Variants in TMEM266 observed in about 807,000 individuals in gnomAD.
TMEM266 encodes the protein Hv1 related protein 1.
In TMEM266, 33 loss-of-function variants were observed where a neutral mutation model predicts 50.5. That is an observed-to-expected ratio of 0.65 (90% CI 0.50 to 0.87). The LOEUF is 0.87. Ranked by LOEUF, TMEM266 falls within the 40% of genes least tolerant of loss-of-function variation. The probability of loss-of-function intolerance (pLI) is 0.00; values close to 1 mark genes in which losing one functional copy is unlikely to be tolerated. For synonymous variants in TMEM266, 310 were observed against 292.3 expected, an observed-to-expected ratio of 1.06 and a Z score of -0.62; for missense variants, 655 against 695.1, an observed-to-expected ratio of 0.94 and a Z score of 0.65.
intron 1 of TMEM266, among the ~76,000 whole-genome samples, chr15:76,062,335 A>G (rs1202887441): frequency 6.6e-6 from 1 of 152,214 alleles, no homozygotes; most frequent in Non-Finnish European, 1.5e-5. Flanking sequence ...GCCTTGGTCA[A>G]TGTGATTGGT....
At chr15:76,156,150 C>G (rs572124163) in intron 3 of TMEM266, among the ~76,000 whole-genome samples, 7 of 152,160 alleles carry the variant, frequency 4.6e-5, no homozygotes, top group Non-Finnish European at 8.8e-5. Flanking sequence ...CACCTGAGGT[C>G]AGGAGTTCGA....
At chr15:76,133,013 G>C (rs1596125254) in intron 1 of TMEM266, among the ~76,000 whole-genome samples, 1 of 151,658 alleles carries the variant, frequency 6.6e-6, no homozygotes, top group South Asian at 2.1e-4. Flanking sequence ...GTACGTGCCT[G>C]TAATCCCAGC....
intron 1 of TMEM266, among the ~76,000 whole-genome samples, chr15:76,079,886 T>C (rs538415119): frequency 6.6e-6 from 1 of 151,722 alleles, no homozygotes; most frequent in Admixed American, 6.6e-5. Context: ...AGGTCGTAAG[T>C]TTGGAAAAGA....
At position 76,204,423 on chromosome 15, in the gene TMEM266, C is replaced by T; in HGVS notation, c.*108C>T. On this transcript the variant is annotated 3_prime_UTR_variant, in exon 11 of 11. Transcript: ENST00000388942. The stretch of plus-strand genomic sequence containing the variant: ...CGCGGGGCCCAGGAGCCCACCTGGC[C>T]TCCCTCAGGGTGCTGCCTGCCTCCA... The T allele has an allele frequency of 8.9e-7, 1 of 1,129,170 alleles. No homozygotes were observed. The highest frequency in any genetic ancestry group is 1.2e-6 in the Non-Finnish European group (1 of 800,442). The allele number at this position is 1,129,170 out of a possible 1,614,324, so 69.9% of individuals were successfully genotyped here.
chr15:76,075,204 C>G (rs991537727), intron 1 of TMEM266, among the ~76,000 whole-genome samples: 1 of 151,946 alleles, frequency 6.6e-6, no homozygotes, highest in African/African-American at 2.4e-5. Flanking sequence ...ACATTTTGAG[C>G]CATGACATTG....
At chr15:76,173,232 G>A (rs1454981504) in intron 7 of TMEM266, among the ~76,000 whole-genome samples, 1 of 152,174 alleles carries the variant, frequency 6.6e-6, no homozygotes, top group Non-Finnish European at 1.5e-5. Context: ...TCCTGCAACA[G>A]CCAGGAAACA....
intron 1 of TMEM266, among the ~76,000 whole-genome samples, chr15:76,116,561 T>A (rs1261135563): frequency 6.6e-6 from 1 of 150,968 alleles, no homozygotes; most frequent in African/African-American, 2.4e-5. Flanking sequence ...CCATCCGGAG[T>A]GGGGGTTGCG....
rs1380210244 is a variant in TMEM266 at position 76,204,024 on chromosome 15, G to A, written c.1305G>A (p.Val435=). ...CGCCGCTGCCATCCCAGCAGCAGGT[G>A]GAGGAGGCCACAGTCCAGGACCTGC... The change falls in exon 11 of 11, where the codon GTG becomes GTA. Residue 435 remains valine, a synonymous_variant. Transcript: ENST00000388942. 1.9e-6 allele frequency: 3 copies of A among 1,609,788 alleles called. No individual in the cohort carries two copies. The highest frequency in any genetic ancestry group is 2.5e-6 in the Non-Finnish European group (3 of 1,177,014).
In TMEM266 at chr15:76,179,952, TAAAAC is replaced by T. The variant is rs60596277; in HGVS notation, c.768+4304_768+4308del. Among the ~76,000 whole-genome samples the T allele has an allele frequency of 1.5e-3, 233 of 152,190 alleles. 1 individual carries two copies. The East Asian group carries it at 0.026, about 17-fold the overall frequency. The stretch of plus-strand genomic sequence containing the variant: ...CTGGGCCACAGAGCAAGACTGTCTC[TAAAAC>T]AAAACAAAACAAAACAAAACAAAAC... On this transcript the variant is annotated intron_variant, in intron 8 of 10. Transcript: ENST00000388942.
rs755565988 is a variant in TMEM266, at chr15:76,158,752, C to T, written c.383-1343C>T. Among the ~76,000 whole-genome samples, 33 of 152,316 alleles carry T rather than the reference C, an allele frequency of 2.2e-4. 1 individual carries two copies. Among genetic ancestry groups the T allele is most frequent in the Admixed American group, 1.9e-3 (29 of 15,294 alleles). ...ATCTGGAGGTCTTCTTGGAGTCACA[C>T]GGGCCTCAGCCTCTTCGTTCCCACT... On this transcript the variant is annotated intron_variant, in intron 4 of 10. Transcript: ENST00000388942.
At chr15:76,137,667 G>A in intron 2 of TMEM266, 40 bp from the exon 3 acceptor site, 1 of 1,599,564 alleles carries the variant, frequency 6.3e-7, no homozygotes. Flanking sequence ...TTTGGCCCTT[G>A]AAGATAACTC....
chr15:76,141,078 C>A (rs1174054095), intron 3 of TMEM266, among the ~76,000 whole-genome samples: 1 of 152,128 alleles, frequency 6.6e-6, no homozygotes, highest in African/African-American at 2.4e-5. Flanking sequence ...AGAGCCCTAT[C>A]TCTGTGATCC....
chr15:76,088,559 G>A lies in TMEM266; in HGVS notation c.-97+28543G>A, dbSNP rs59870013. ...CACCTGTAATCCCAGCACTTTGGGA[G>A]GCCAGGGTGGGTGGATCATGAGGTT... is the stretch of plus-strand genomic sequence containing the variant. On this transcript the variant is annotated intron_variant, in intron 1 of 10. Transcript: ENST00000388942. Among the ~76,000 whole-genome samples, 1,113 of 152,272 alleles carry A rather than the reference G, an allele frequency of 7.3e-3. 17 individuals are homozygous for A. The highest frequency in any genetic ancestry group is 0.025 in the African/African-American group (1,027 of 41,558).
chr15:76,142,126 C>G (rs564344527), intron 3 of TMEM266, among the ~76,000 whole-genome samples: 2 of 152,312 alleles, frequency 1.3e-5, no homozygotes, highest in African/African-American at 4.8e-5. Context: ...CAGTGGCTCA[C>G]GCCTGTAATC....
chr15:76,086,885 T>C lies in TMEM266; in HGVS notation c.-97+26869T>C, dbSNP rs115716014. 5.0e-3 allele frequency among the ~76,000 whole-genome samples: 739 copies of C among 148,068 alleles called. 8 individuals carry two copies. Among genetic ancestry groups the C allele is most frequent in the African/African-American group, 0.017 (694 of 40,292 alleles). On this transcript the variant is annotated intron_variant, in intron 1 of 10. Coordinates refer to ENST00000388942, the MANE Select transcript of TMEM266 (RefSeq NM_152335.3). ...TTTGCAGGAGGGGACCAATCAGAGG[T>C]ACTTCCAATTTTTCATCTGCCATGC...
chr15:76,204,225 C>T lies in TMEM266; in HGVS notation c.1506C>T (p.Ile502=). The T allele has an allele frequency of 6.2e-7, 1 of 1,614,016 alleles. No homozygotes were observed. Among genetic ancestry groups the T allele is most frequent in the Middle Eastern group, 1.6e-4 (1 of 6,062 alleles). Residue 502 remains isoleucine (I), a synonymous_variant, in exon 11 of 11, where the codon ATC becomes ATT. Coordinates refer to ENST00000388942, the MANE Select transcript of TMEM266 (RefSeq NM_152335.3). The stretch of plus-strand genomic sequence containing the variant: ...CTGTCTTTCAGATCAGGCCTGTCAT[C>T]CACTTCCAGCCCACTGTGCCCATGC...
At chr15:76,198,546 T>C (rs376617153) in intron 9 of TMEM266, among the ~76,000 whole-genome samples, 5 of 152,186 alleles carry the variant, frequency 3.3e-5, no homozygotes, top group African/African-American at 1.2e-4. Context: ...CAGTGAGACT[T>C]CCTACTGAGT....
chr15:76,121,871 A>G (rs940794067), intron 1 of TMEM266, among the ~76,000 whole-genome samples: 1 of 152,234 alleles, frequency 6.6e-6, no homozygotes, highest in Non-Finnish European at 1.5e-5. Context: ...GTAAATGTCT[A>G]TCTATGCATC....
chr15:76,081,517 G>A (rs1174269531), intron 1 of TMEM266, among the ~76,000 whole-genome samples: 1 of 152,164 alleles, frequency 6.6e-6, no homozygotes, highest in South Asian at 2.1e-4. Flanking sequence ...AACATCTAAA[G>A]CCAATAAGAA....
Sources: gnomAD v4.1 joint callset for allele counts (sites outside exome capture counted in the v4.1 genomes callset) on GRCh38, gnomAD v4.1.1 for gene constraint, MANE v1.5 for transcripts, NCBI Gene and HGNC (gene_info 2026-07-23, HGNC 2026-07-21) for gene names.